PDE4B: variants seen among roughly 807,000 people sequenced by gnomAD.
PDE4B encodes 3',5'-cyclic-AMP phosphodiesterase 4B.
In PDE4B, 20 loss-of-function variants were observed where a neutral mutation model predicts 82.2. That is an observed-to-expected ratio of 0.24 (90% CI 0.17 to 0.35). The LOEUF (loss-of-function observed/expected upper bound fraction) is 0.35. Ranked by LOEUF, PDE4B falls within the 10% of genes least tolerant of loss-of-function variation. PDE4B has a pLI of 1.00. For missense variants in PDE4B, 655 were observed against 907.2 expected, an observed-to-expected ratio of 0.72 and a Z score of 3.57; for synonymous variants, 320 against 318.9, an observed-to-expected ratio of 1.00 and a Z score of -0.04.
At chr1:66,055,260 G>A (rs1320100395) in intron 3 of PDE4B, among the ~76,000 whole-genome samples, 1 of 152,176 alleles carries the variant, frequency 6.6e-6, no homozygotes, top group Non-Finnish European at 1.5e-5. Context: ...TTGGAGGTTG[G>A]CTTTGCATTG....
intron 4 of PDE4B, among the ~76,000 whole-genome samples, chr1:66,256,853 C>A (rs1654270494): frequency 6.6e-6 from 1 of 152,152 alleles, no homozygotes; most frequent in Non-Finnish European, 1.5e-5. Flanking sequence ...AGCAAAGTGG[C>A]CTGATTTTGT....
chr1:66,257,709 G>T, intron 5 of PDE4B, 26 bp downstream of exon 5: 1 of 1,612,376 alleles, frequency 6.2e-7, no homozygotes, highest in Non-Finnish European at 8.5e-7. Context: ...GCCCTGGCTT[G>T]CTTTCACTGT....
At chr1:66,338,081 C>T (rs1233096700) in intron 8 of PDE4B, among the ~76,000 whole-genome samples, 1 of 152,206 alleles carries the variant, frequency 6.6e-6, no homozygotes, top group Non-Finnish European at 1.5e-5. Flanking sequence ...CAGGTGTATG[C>T]AAACATTGTG....
chr1:66,021,210 A>G (rs1370121874), intron 3 of PDE4B, among the ~76,000 whole-genome samples: 3 of 152,146 alleles, frequency 2.0e-5, no homozygotes, highest in Non-Finnish European at 4.4e-5. Context: ...TAGATTCTGG[A>G]TATTAGCCCT....
rs1248006110 is a variant in PDE4B, at chr1:66,021,651, G to C, written c.281+102816G>C. Among the ~76,000 whole-genome samples the C allele has an allele frequency of 3.3e-5, 5 of 152,132 alleles. No homozygotes were observed. The East Asian group carries it at 7.7e-4, about 23-fold the overall frequency. On this transcript the variant is annotated intron_variant, in intron 3 of 16. Coordinates refer to ENST00000341517, the MANE Select transcript of PDE4B (RefSeq NM_002600.4). ...TAGAGGTATTATTTCTGAGGGCTCT[G>C]TTCTGTTCCATTGATCTATATCTCT...
At chr1:66,366,936 C>A (rs561264167) in intron 13 of PDE4B, among the ~76,000 whole-genome samples, 2 of 152,292 alleles carry the variant, frequency 1.3e-5, no homozygotes, top group South Asian at 2.1e-4. Context: ...CACATTACCA[C>A]CACTTGTCTG....
intron 3 of PDE4B, among the ~76,000 whole-genome samples, chr1:66,090,395 G>A (rs1257768171): frequency 1.3e-5 from 2 of 151,772 alleles, no homozygotes; most frequent in South Asian, 2.1e-4. Flanking sequence ...GGCAGGACAG[G>A]TCATAGGAAC....
At chr1:66,102,468 T>G (rs1216227835) in intron 3 of PDE4B, among the ~76,000 whole-genome samples, 2 of 152,082 alleles carry the variant, frequency 1.3e-5, no homozygotes, top group Non-Finnish European at 2.9e-5. Context: ...GCTGGTGAAG[T>G]GAGCAGTATT....
At chr1:65,986,613 C>G (rs894472609) in intron 3 of PDE4B, among the ~76,000 whole-genome samples, 1 of 152,100 alleles carries the variant, frequency 6.6e-6, no homozygotes, top group African/African-American at 2.4e-5. Flanking sequence ...TGCACCAAGG[C>G]GATCAGTTAT....
chr1:65,956,762 G>A (rs1403954213), intron 3 of PDE4B, among the ~76,000 whole-genome samples: 5 of 152,060 alleles, frequency 3.3e-5, no homozygotes, highest in African/African-American at 1.2e-4. Flanking sequence ...ATATGTACCC[G>A]GAGAAGAGAC....
chr1:65,961,075 G>T (rs945037740), intron 3 of PDE4B, among the ~76,000 whole-genome samples: 1 of 152,136 alleles, frequency 6.6e-6, no homozygotes, highest in Non-Finnish European at 1.5e-5. Flanking sequence ...ACCTTTGCCC[G>T]TGGAGCTTGT....
At chr1:65,977,590 A>G (rs1375898832) in intron 3 of PDE4B, among the ~76,000 whole-genome samples, 2 of 152,212 alleles carry the variant, frequency 1.3e-5, no homozygotes, top group Non-Finnish European at 2.9e-5. Flanking sequence ...GCACTTTGTA[A>G]TAAAAAAATC....
intron 3 of PDE4B, among the ~76,000 whole-genome samples, chr1:66,041,829 T>C (rs4655594): frequency 0.14 from 20,367 of 145,150 alleles, 1,744 homozygotes; most frequent in African/African-American, 0.22. Flanking sequence ...CACACACACA[T>C]ACACACACAC....
At chr1:66,020,470 C>A (rs1016398181) in intron 3 of PDE4B, among the ~76,000 whole-genome samples, 2 of 151,600 alleles carry the variant, frequency 1.3e-5, no homozygotes, top group African/African-American at 4.9e-5. Context: ...CTCCCTCCCC[C>A]CACCCCATGG....
At chr1:65,948,673 C>T (rs766601504) in intron 3 of PDE4B, among the ~76,000 whole-genome samples, 11 of 152,178 alleles carry the variant, frequency 7.2e-5, no homozygotes, top group Non-Finnish European at 1.6e-4. Flanking sequence ...ATCCTTCAAT[C>T]CGATCAAGTT....
intron 3 of PDE4B, among the ~76,000 whole-genome samples, chr1:66,133,692 T>C (rs1645997738): frequency 6.6e-6 from 1 of 152,184 alleles, no homozygotes; most frequent in Non-Finnish European, 1.5e-5. Context: ...GGCCCAGGAA[T>C]CTTAAGCAAG....
At chr1:66,200,708 C>G (rs1648829151) in intron 3 of PDE4B, among the ~76,000 whole-genome samples, 1 of 152,168 alleles carries the variant, frequency 6.6e-6, no homozygotes, top group African/African-American at 2.4e-5. Flanking sequence ...TGTCCTGAGA[C>G]TTTGCTGAAG....
chr1:66,276,462 G>A (rs1655886022), intron 7 of PDE4B, among the ~76,000 whole-genome samples: 1 of 152,208 alleles, frequency 6.6e-6, no homozygotes, highest in Admixed American at 6.5e-5. Context: ...AGCTTATCAA[G>A]AAGGGGATGG....
chr1:65,844,536 C>T (rs1165011434), intron 1 of PDE4B, among the ~76,000 whole-genome samples: 1 of 151,978 alleles, frequency 6.6e-6, no homozygotes. Flanking sequence ...AACTTACTGC[C>T]TTATTTTGTG....
Sources: allele counts gnomAD v4.1 joint callset (sites outside exome capture counted in the v4.1 genomes callset), GRCh38; gene constraint gnomAD v4.1.1; transcripts MANE v1.5; gene names NCBI Gene and HGNC (gene_info 2026-07-23, HGNC 2026-07-21).